Variants in GSG1L2 observed in about 807,000 individuals in gnomAD.
GSG1L2 encodes the protein germ cell-specific gene 1-like protein 2.
Under a neutral mutation model 9.0 loss-of-function variants are expected in GSG1L2, and 15 were observed. The ratio of observed to expected loss-of-function variants is 1.67; its 90% confidence interval spans 1.12 to 2.57. The LOEUF (loss-of-function observed/expected upper bound fraction) is 2.57. Among genes scored for constraint, GSG1L2 ranks in the 30% most tolerant of loss-of-function variants. GSG1L2 has a pLI of 0.00. For missense variants in GSG1L2, 286 were observed against 150.3 expected (o/e 1.90, Z -4.72); for synonymous variants, 127 against 57.9 (o/e 2.19, Z -5.41).
chr17:9,803,766 T>C (rs1281178173), intron 4 of GSG1L2: 2 of 152,238 alleles, frequency 1.3e-5, no homozygotes, highest in Non-Finnish European at 2.9e-5. Context: ...GGCACTATAA[T>C]TATCTCCATT....
chr17:9,806,988 G>A (rs768553741), intron 4 of GSG1L2, among the ~76,000 whole-genome samples: 5 of 152,196 alleles, frequency 3.3e-5, no homozygotes, highest in Admixed American at 6.5e-5. Context: ...AGATGAAAAT[G>A]TAAGTTATGT....
At chr17:9,807,300 T>C (rs1230490754) in intron 4 of GSG1L2, among the ~76,000 whole-genome samples, 190 bp downstream of exon 4, 1 of 152,214 alleles carries the variant, frequency 6.6e-6, no homozygotes, top group East Asian at 1.9e-4. Context: ...ATACAAACAT[T>C]TGAGGCAGGT....
chr17:9,807,133 G>A (rs927399889), intron 4 of GSG1L2, among the ~76,000 whole-genome samples: 1 of 152,142 alleles, frequency 6.6e-6, no homozygotes, highest in African/African-American at 2.4e-5. Flanking sequence ...AGAAACAGGG[G>A]CTGGGTCTCC....
intron 1 of GSG1L2, among the ~76,000 whole-genome samples, chr17:9,819,784 C>T (rs984750285): frequency 3.9e-5 from 6 of 152,106 alleles, no homozygotes; most frequent in Non-Finnish European, 8.8e-5. Flanking sequence ...AGGCACACAT[C>T]ACCACGCCCA....
chr17:9,816,349 C>T (rs893399724), intron 1 of GSG1L2, among the ~76,000 whole-genome samples: 5 of 150,446 alleles, frequency 3.3e-5, no homozygotes, highest in African/African-American at 1.2e-4. Flanking sequence ...AAAATGTGCA[C>T]GTGCACGCGT....
chr17:9,817,569 C>T (rs1246256071), intron 1 of GSG1L2, among the ~76,000 whole-genome samples: 1 of 151,954 alleles, frequency 6.6e-6, no homozygotes. Flanking sequence ...GAATTACAGG[C>T]ACCCACCACC....
chr17:9,813,475 C>A (rs552733154), intron 1 of GSG1L2, among the ~76,000 whole-genome samples: 2 of 152,204 alleles, frequency 1.3e-5, no homozygotes, highest in Admixed American at 6.5e-5. Flanking sequence ...GCAGCCACAG[C>A]GGCCTCTGCA....
intron 1 of GSG1L2, among the ~76,000 whole-genome samples, chr17:9,817,222 C>T (rs1456564525): frequency 6.6e-6 from 1 of 152,172 alleles, no homozygotes; most frequent in Non-Finnish European, 1.5e-5. Context: ...GTTGCAGCTG[C>T]TCCCACCCCT....
chr17:9,816,763 CTGTGTGTGCGTGTGTGTCTG>C (rs1647212106), intron 1 of GSG1L2, among the ~76,000 whole-genome samples: 1 of 145,258 alleles, frequency 6.9e-6, no homozygotes, highest in Non-Finnish European at 1.5e-5. Flanking sequence ...GTATCTGTGT[CTGTGTGTGCGTGTGTGTCTG>C]TGTGTGCGTA....
At chr17:9,814,446 G>GAACT (rs2066551656) in intron 1 of GSG1L2, among the ~76,000 whole-genome samples, 1 of 152,088 alleles carries the variant, frequency 6.6e-6, no homozygotes, top group African/African-American at 2.4e-5. Context: ...CTTCTAAAGA[G>GAACT]AACTGCCTTT....
At chr17:9,817,931 G>C (rs1399513447) in intron 1 of GSG1L2, among the ~76,000 whole-genome samples, 1 of 152,038 alleles carries the variant, frequency 6.6e-6, no homozygotes, top group East Asian at 1.9e-4. Flanking sequence ...CTCAGACATT[G>C]GCTCACTCAG....
intron 3 of GSG1L2, 133 bp downstream of exon 3, chr17:9,808,697 G>A (rs1043950493): frequency 5.1e-6 from 3 of 587,476 alleles, no homozygotes; most frequent in African/African-American, 3.7e-5. Context: ...GACTTATCCA[G>A]GGGACCACCC....
intron 4 of GSG1L2, among the ~76,000 whole-genome samples, chr17:9,805,266 C>T (rs961594387): frequency 6.6e-6 from 1 of 151,746 alleles, no homozygotes; most frequent in Non-Finnish European, 1.5e-5. Flanking sequence ...AAGGCTCCCC[C>T]CTCCCCCACC....
Position 9,801,361 on chromosome 17 carries a change from C to T in GSG1L2, c.*1025G>A, listed in dbSNP as rs1362950934. ...TAGCTGGGATTACAGACATGTGCCA[C>T]CATGCTTGGCTATTTTTGATGTTTT... On this transcript the variant is annotated 3_prime_UTR_variant, in exon 5 of 5. Transcript: ENST00000399363. Among the ~76,000 whole-genome samples the T allele has an allele frequency of 6.6e-6, 1 of 151,924 alleles. No individual in the cohort carries two copies. The highest frequency in any genetic ancestry group is 2.4e-5 in the African/African-American group (1 of 41,384).
chr17:9,820,607 C>T lies in GSG1L2; in HGVS notation c.310+1155G>A, dbSNP rs2066585233. ...CAGGCTGGGTACTGCCCCACATTGGCCACCACTGGGAGAGAGGGTGGAAGG... is the reference window on the plus strand; with the variant it reads ...CAGGCTGGGTACTGCCCCACATTGGTCACCACTGGGAGAGAGGGTGGAAGG... On this transcript the variant is annotated intron_variant, in intron 1 of 4. Coordinates refer to ENST00000399363, the MANE Select transcript of GSG1L2 (RefSeq NM_001310219.2). The surrounding 1 kb of genome is among the most constrained non-coding windows in gnomAD (Gnocchi z 4.9). 6.6e-6 allele frequency among the ~76,000 whole-genome samples: 1 copy of T among 151,480 alleles called. No individual in the cohort carries two copies. The highest frequency in any genetic ancestry group is 2.4e-5 in the African/African-American group (1 of 41,212).
rs774753678 is a variant in GSG1L2 at position 9,802,574 on chromosome 17, G to C, written c.694C>G (p.Arg232Gly). The C allele has an allele frequency of 2.3e-5, 16 of 702,736 alleles. No individual in the cohort carries two copies. In the African/African-American group the frequency reaches 2.4e-4, roughly 11 times the overall value. 43.5% of individuals were successfully genotyped at this position (702,736 alleles called of 1,614,324 possible). A position where few individuals can be genotyped will look rare whatever the true frequency, so the allele number is the denominator to read the frequency against. Residue 232 changes from arginine to glycine, a missense_variant, in exon 5 of 5, where the codon CGC becomes GGC. By Grantham distance (125) the Arg-to-Gly change is moderately radical (BLOSUM62 -2). Coordinates refer to ENST00000399363, the MANE Select transcript of GSG1L2 (RefSeq NM_001310219.2). ...TGCTGCTTCTCGGTGAATTCCAGGC[G>C]GGCTGCCGTGAACCTGCTCATGGCC... ...VSAMSRFTAARLEFTEKQQAQ... is the reference protein window; with the variant it reads ...VSAMSRFTAAGLEFTEKQQAQ...
At position 9,820,177 on chromosome 17, in the gene GSG1L2, ACTGGGCAC is replaced by A. The variant is rs1172255659; in HGVS notation, c.310+1577_310+1584del. Among the ~76,000 whole-genome samples, 1 of 152,180 alleles carries A rather than the reference ACTGGGCAC, an allele frequency of 6.6e-6. No individual in the cohort carries two copies. On this transcript the variant is annotated intron_variant, in intron 1 of 4. Coordinates refer to ENST00000399363, the MANE Select transcript of GSG1L2 (RefSeq NM_001310219.2). The surrounding 1 kb of genome is among the most constrained non-coding windows in gnomAD (Gnocchi z 4.9). The stretch of plus-strand genomic sequence containing the variant: ...GCTCTCTTAAATTAGAACCTCCAGG[ACTGGGCAC>A]CTGGATATTTCTTTTACAAGTTCCT...
chr17:9,819,158 A>G lies in GSG1L2; in HGVS notation c.310+2604T>C, dbSNP rs537572081. 1.4e-4 allele frequency among the ~76,000 whole-genome samples: 22 copies of G among 152,392 alleles called. No homozygotes were observed. In the South Asian group the frequency reaches 2.3e-3, roughly 16 times the overall value. The stretch of plus-strand genomic sequence containing the variant: ...ATAGGATTGAGTGGAATAAAACACC[A>G]GTGCCATAAGGATCAGAAACGAAGA... On this transcript the variant is annotated intron_variant, in intron 1 of 4. Coordinates refer to ENST00000399363, the MANE Select transcript of GSG1L2 (RefSeq NM_001310219.2).
At chr17:9,821,096 A>G (rs1409032377) in intron 1 of GSG1L2, among the ~76,000 whole-genome samples, 1 of 152,216 alleles carries the variant, frequency 6.6e-6, no homozygotes, top group African/African-American at 2.4e-5. Flanking sequence ...TGACTGTAAT[A>G]AGCTGAGGTC....
Sources: allele counts gnomAD v4.1 joint callset (sites outside exome capture counted in the v4.1 genomes callset), GRCh38; gene constraint gnomAD v4.1.1; non-coding constraint Gnocchi (gnomAD v3.1); transcripts MANE v1.5; gene names NCBI Gene and HGNC (gene_info 2026-07-23, HGNC 2026-07-21).